MTCH2: variants seen among roughly 807,000 people sequenced by gnomAD.
The protein encoded by MTCH2 is mitochondrial carrier 2, also known as mitochondrial carrier homolog 2.
MTCH2 carries 25 observed loss-of-function variants against 50.6 expected under a neutral mutation model. That is an observed-to-expected ratio of 0.49 (90% confidence interval 0.36 to 0.69). The LOEUF (loss-of-function observed/expected upper bound fraction) is 0.69, where lower values mean the gene tolerates loss of function less well. Among genes scored for constraint, MTCH2 ranks in the 30% least tolerant of loss-of-function variants. The probability of loss-of-function intolerance (pLI) is 0.00; values close to 1 mark genes in which losing one functional copy is unlikely to be tolerated. For synonymous variants in MTCH2, 106 were observed against 132.0 expected (o/e 0.80, Z 1.35); for missense variants, 273 against 384.4 (o/e 0.71, Z 2.42).
intron 11 of MTCH2, among the ~76,000 whole-genome samples, chr11:47,624,089 A>C (rs2097295772): frequency 6.6e-6 from 1 of 151,180 alleles, no homozygotes; most frequent in South Asian, 2.1e-4. Flanking sequence ...AAAATTAGCC[A>C]GGCATGCTGG....
chr11:47,626,331 C>CTTTT (rs572241881), intron 10 of MTCH2, among the ~76,000 whole-genome samples: 1 of 135,528 alleles, frequency 7.4e-6, no homozygotes, highest in Non-Finnish European at 1.6e-5. Flanking sequence ...CCTGCCCCAG[C>CTTTT]TTTTTTTTTT....
intron 3 of MTCH2, among the ~76,000 whole-genome samples, chr11:47,636,708 G>A (rs926953070): frequency 4.6e-5 from 7 of 151,534 alleles, no homozygotes; most frequent in Non-Finnish European, 1.0e-4. Flanking sequence ...CTCCAGCCTG[G>A]GCAACAAGAG....
chr11:47,632,466 G>A (rs1001103455), intron 5 of MTCH2, among the ~76,000 whole-genome samples: 4 of 151,328 alleles, frequency 2.6e-5, no homozygotes, highest in African/African-American at 9.7e-5. Flanking sequence ...CCATTCTCCT[G>A]CCTCAGCCTC....
At chr11:47,638,895 TC>T in intron 2 of MTCH2, 71 bp downstream of exon 2, 1 of 1,576,204 alleles carries the variant, frequency 6.3e-7, no homozygotes, top group Middle Eastern at 1.7e-4. Context: ...CTATATATTT[TC>T]TTTCAATAAC....
chr11:47,632,721 CAG>C (rs1443924008), intron 5 of MTCH2, among the ~76,000 whole-genome samples: 4 of 149,406 alleles, frequency 2.7e-5, no homozygotes, highest in African/African-American at 9.9e-5. Context: ...TTTTTTGAGA[CAG>C]AGTCTTGCTC....
chr11:47,622,873 T>G (rs1383037575), intron 11 of MTCH2, 97 bp from the exon 12 acceptor site: 2 of 761,382 alleles, frequency 2.6e-6, no homozygotes, highest in Non-Finnish European at 4.2e-6. Context: ...GCACAGAAGA[T>G]TCCCTGAGAG....
intron 12 of MTCH2, 119 bp from the exon 13 acceptor site, chr11:47,619,038 A>G (rs1421006649): frequency 2.5e-6 from 2 of 813,856 alleles, no homozygotes; most frequent in African/African-American, 1.7e-5. Context: ...AACTGGGACT[A>G]TCACTACAGA....
chr11:47,629,338 C>T (rs1598843129), intron 8 of MTCH2: 2 of 332,678 alleles, frequency 6.0e-6, no homozygotes, highest in African/African-American at 2.1e-5. Flanking sequence ...AAAAGATTTG[C>T]GAGGTGCTTT....
chr11:47,614,322 C>A (rs1343239385), downstream of MTCH2, among the ~76,000 whole-genome samples: 2 of 152,138 alleles, frequency 1.3e-5, no homozygotes, highest in Non-Finnish European at 2.9e-5. Context: ...GGATGCCTAT[C>A]CTACCAAAAA....
chr11:47,605,210 G>A, the MTCH2 span, among the ~76,000 whole-genome samples: 4 of 152,086 alleles, frequency 2.6e-5, no homozygotes, highest in African/African-American at 9.7e-5. Flanking sequence ...TTACAGGTGT[G>A]AGCCACCGTG....
At chr11:47,616,283 C>T (rs1407455629), downstream of MTCH2, among the ~76,000 whole-genome samples, 5 of 152,154 alleles carry the variant, frequency 3.3e-5, no homozygotes, top group African/African-American at 2.4e-5. Context: ...TCTAGAGGAA[C>T]AGTTTGTGGC....
the MTCH2 span, among the ~76,000 whole-genome samples, chr11:47,608,488 C>G: frequency 6.6e-6 from 1 of 152,164 alleles, no homozygotes; most frequent in Admixed American, 6.5e-5. Context: ...AACTTTACAC[C>G]CACTTTCTAT....
chr11:47,608,580 A>G, the MTCH2 span, among the ~76,000 whole-genome samples: 1 of 152,164 alleles, frequency 6.6e-6, no homozygotes, highest in South Asian at 2.1e-4. Flanking sequence ...AGCAGCTGCC[A>G]GTGCGGCACA....
At chr11:47,607,329 CCTTT>C in the MTCH2 span, among the ~76,000 whole-genome samples, 14 of 152,032 alleles carry the variant, frequency 9.2e-5, no homozygotes, top group African/African-American at 2.7e-4. Context: ...TGTTTTTTTC[CCTTT>C]CTATTAAAAC....
At chr11:47,639,794 T>C (rs925558140) in intron 1 of MTCH2, among the ~76,000 whole-genome samples, 1 of 151,910 alleles carries the variant, frequency 6.6e-6, no homozygotes, top group African/African-American at 2.4e-5. Flanking sequence ...GCCGAGATTG[T>C]GTCACTGCAC....
intron 11 of MTCH2, 128 bp downstream of exon 11, chr11:47,625,546 C>G (rs557175713): frequency 5.4e-5 from 38 of 705,474 alleles, no homozygotes; most frequent in Non-Finnish European, 8.3e-5. Flanking sequence ...TTTCCTCCCC[C>G]CCTTTTTAAA....
chr11:47,633,929 G>T (rs958097995), intron 5 of MTCH2, among the ~76,000 whole-genome samples: 2 of 152,108 alleles, frequency 1.3e-5, no homozygotes, highest in African/African-American at 4.8e-5. Context: ...AGTAATAAGA[G>T]AATAGTTCTG....
chr11:47,629,958 G>A (rs1264650168), intron 8 of MTCH2, among the ~76,000 whole-genome samples: 1 of 151,950 alleles, frequency 6.6e-6, no homozygotes, highest in Non-Finnish European at 1.5e-5. Context: ...ATAGAATTGG[G>A]AGTTTACTAC....
At chr11:47,635,716 A>G in intron 3 of MTCH2, 145 bp from the exon 4 acceptor site, 1 of 683,342 alleles carries the variant, frequency 1.5e-6, no homozygotes, top group Non-Finnish European at 2.4e-6. Flanking sequence ...GCAAATCTTC[A>G]GTTAACTTCT....
Sources: allele counts gnomAD v4.1 joint callset (sites outside exome capture counted in the v4.1 genomes callset), GRCh38; gene constraint gnomAD v4.1.1; transcripts MANE v1.5; gene names NCBI Gene and HGNC (gene_info 2026-07-23, HGNC 2026-07-21).